UPF2: variants seen among roughly 807,000 people sequenced by gnomAD.
UPF2 encodes UPF2 regulator of nonsense mediated mRNA decay.
A neutral mutation model predicts 141.4 loss-of-function variants in UPF2; 17 were observed. The ratio of observed to expected loss-of-function variants is 0.12; its 90% CI spans 0.08 to 0.18. The LOEUF is 0.18. Among genes scored for constraint, UPF2 ranks in the 10% least tolerant of loss-of-function variants. The probability of loss-of-function intolerance (pLI) is 1.00; values close to 1 mark genes in which losing one functional copy is unlikely to be tolerated. For missense variants in UPF2, 1,152 were observed against 1,515.9 expected (o/e 0.76, Z 3.99); for synonymous variants, 540 against 498.0 (o/e 1.08, Z -1.12).
chr10:12,017,029 A>G (rs1020515104), intron 3 of UPF2, among the ~76,000 whole-genome samples: 13 of 152,074 alleles, frequency 8.5e-5, no homozygotes, highest in African/African-American at 2.7e-4. Context: ...CGGAAAAAAA[A>G]AAAAAAAAAT....
At chr10:12,026,923 G>A (rs539698536) in intron 3 of UPF2, among the ~76,000 whole-genome samples, 6 of 152,222 alleles carry the variant, frequency 3.9e-5, no homozygotes, top group African/African-American at 1.4e-4. Context: ...AAAGTGCTGG[G>A]ATTACAGGTG....
chr10:11,971,822 G>C (rs1375374473), intron 9 of UPF2, among the ~76,000 whole-genome samples: 1 of 152,080 alleles, frequency 6.6e-6, no homozygotes, highest in African/African-American at 2.4e-5. Flanking sequence ...CCAGCGCTTT[G>C]GGAGTCCAAG....
intron 3 of UPF2, among the ~76,000 whole-genome samples, chr10:12,027,256 A>G (rs901006819): frequency 2.0e-5 from 3 of 152,212 alleles, no homozygotes; most frequent in African/African-American, 7.2e-5. Context: ...ATGTATTCCT[A>G]CTTTGGAAAG....
Position 11,949,246 on chromosome 10 carries a change from C to T in UPF2, c.3035-738G>A, listed in dbSNP as rs149577220. On this transcript the variant is annotated intron_variant, in intron 15 of 21. Transcript: ENST00000357604. ...GATCCCACTGATCTGCTACCCACTCCTCTCTCCTAAGCCCTCCCCTGAAGT... is the reference window on the plus strand; with the variant it reads ...GATCCCACTGATCTGCTACCCACTCTTCTCTCCTAAGCCCTCCCCTGAAGT... 7.6e-4 allele frequency among the ~76,000 whole-genome samples: 116 copies of T among 152,316 alleles called. 1 individual carries two copies. The highest frequency in any genetic ancestry group is 2.7e-3 in the African/African-American group (111 of 41,566).
At chr10:12,038,734 TACAAAAAAAA>T (rs1362904684) in intron 1 of UPF2, among the ~76,000 whole-genome samples, 1 of 149,820 alleles carries the variant, frequency 6.7e-6, no homozygotes. Context: ...GTCTCAAAAA[TACAAAAAAAA>T]ACAACAACAA....
rs1432983276 is a variant in UPF2 at position 11,997,888 on chromosome 10, G to T, written c.1759-131C>A. On this transcript the variant is annotated intron_variant, in intron 7 of 21. Coordinates refer to ENST00000357604, the MANE Select transcript of UPF2 (RefSeq NM_015542.4). ...TGGTTTTAAGAAACTAGTATTGTTA[G>T]TATCAGGAAAGTTTTCTGATAGAGC... 4 of 882,510 alleles carry T rather than the reference G, an allele frequency of 4.5e-6. No individual in the cohort carries two copies. The South Asian group carries it at 5.4e-5, about 12-fold the overall frequency. 54.7% of individuals were successfully genotyped at this position (882,510 alleles called of 1,614,324 possible).
At chr10:12,023,445 C>T (rs7098410) in intron 3 of UPF2, among the ~76,000 whole-genome samples, 7,912 of 146,396 alleles carry the variant, frequency 0.054, 278 homozygotes, top group Non-Finnish European at 0.08. Context: ...GAGGCCGAGG[C>T]GGGAAGATCA....
intron 1 of UPF2, among the ~76,000 whole-genome samples, chr10:12,038,180 T>C (rs1185139191): frequency 1.3e-5 from 2 of 151,890 alleles, no homozygotes; most frequent in Admixed American, 6.6e-5. Context: ...GTCAGGAGTT[T>C]GAGTCCAGCC....
Position 11,939,231 on chromosome 10 carries a change from G to C in UPF2, c.3379-2519C>G, listed in dbSNP as rs1832906029. Among the ~76,000 whole-genome samples the C allele has an allele frequency of 6.6e-6, 1 of 152,100 alleles. No homozygotes were observed. Among genetic ancestry groups the C allele is most frequent in the South Asian group, 2.1e-4 (1 of 4,822 alleles). On this transcript the variant is annotated intron_variant, in intron 18 of 21. Coordinates refer to ENST00000357604, the MANE Select transcript of UPF2 (RefSeq NM_015542.4). This position sits in a 1 kb window ranked among gnomAD's most constrained non-coding sequence, Gnocchi z 4.8. ...TAGCTAAAGCAAAGGAATACTAACA[G>C]TATCTGACAGCACTATGCAAAGAAT... is the stretch of plus-strand genomic sequence containing the variant.
chr10:11,952,279 A>G (rs923838977), intron 14 of UPF2, 30 bp from the exon 15 acceptor site: 2 of 1,544,124 alleles, frequency 1.3e-6, no homozygotes, highest in African/African-American at 1.4e-5. Context: ...AAATTTAGCT[A>G]TAAGAAATTA....
chr10:11,942,635 A>T, intron 18 of UPF2, 30 bp downstream of exon 18: 1 of 1,593,108 alleles, frequency 6.3e-7, no homozygotes, highest in South Asian at 1.1e-5. Flanking sequence ...TGTATTGAGA[A>T]GAGTCTTTGA....
rs772044517 is a variant in UPF2, at chr10:12,029,346, T to C, written c.544A>G (p.Thr182Ala). The C allele has an allele frequency of 6.2e-7, 1 of 1,614,174 alleles. No homozygotes were observed. Among genetic ancestry groups the C allele is most frequent in the Non-Finnish European group, 8.5e-7 (1 of 1,180,024 alleles). Residue 182 changes from threonine to alanine, a missense_variant, in exon 3 of 22, where the codon ACA (threonine) becomes GCA (alanine). By Grantham distance (58) the Thr-to-Ala change is moderately conservative. Transcript: ENST00000357604. ...TAFVKKLKTI[T>A]EQQRDSLSHD... ...GACAAGGAGTCTCTCTGTTGTTCTG[T>C]AATAGTTTTTAGTTTCTTGACAAAA...
intron 15 of UPF2, among the ~76,000 whole-genome samples, chr10:11,948,828 G>GT (rs1413729409): frequency 3.3e-5 from 5 of 152,182 alleles, no homozygotes; most frequent in African/African-American, 9.7e-5. Context: ...GTAGAAAACA[G>GT]TAACAGATGA....
In UPF2 at chr10:12,014,288, A is replaced by G. The variant is rs1834181707; in HGVS notation, c.1146-104T>C. Reference sequence around the variant, plus strand: ...TAATTTGATTTTCTCATACAAATTTAGTAAAATCTTCATTTTTATTTAACA... The same window carrying G: ...TAATTTGATTTTCTCATACAAATTTGGTAAAATCTTCATTTTTATTTAACA... On this transcript the variant is annotated intron_variant, in intron 3 of 21. Coordinates refer to ENST00000357604, the MANE Select transcript of UPF2 (RefSeq NM_015542.4). The surrounding 1 kb of genome is among the most constrained non-coding windows in gnomAD (Gnocchi z 5.0). 9 of 1,104,882 alleles carry G rather than the reference A, an allele frequency of 8.1e-6. No individual in the cohort carries two copies. In the South Asian group the frequency reaches 3.2e-4, roughly 40 times the overall value. 68.4% of individuals were successfully genotyped at this position (1,104,882 alleles called of 1,614,324 possible).
At chr10:12,035,467 C>T (rs1834608951) in intron 1 of UPF2, 26 bp from the exon 2 acceptor site, 2 of 1,482,046 alleles carry the variant, frequency 1.3e-6, no homozygotes, top group Non-Finnish European at 1.8e-6. Context: ...AATGTCAGTA[C>T]CATAGATGCA....
intron 21 of UPF2, among the ~76,000 whole-genome samples, chr10:11,924,979 C>T (rs190979697): frequency 3.9e-5 from 6 of 152,118 alleles, no homozygotes; most frequent in Admixed American, 6.5e-5. Flanking sequence ...CCACCATGAC[C>T]GGCTAATTTT....
chr10:11,967,451 G>A lies in UPF2; in HGVS notation c.1957C>T (p.Arg653Trp), dbSNP rs776712679. 10 of 1,533,830 alleles carry A rather than the reference G, an allele frequency of 6.5e-6. No homozygotes were observed. Among genetic ancestry groups the A allele is most frequent in the East Asian group, 4.9e-5 (2 of 41,128 alleles). ...MLRGDFRFHV[R>W]KKDQINIETK... ...TCAATATTGATCTGGTCCTTTTTCC[G>A]TACCTAAAAATTAAGAGAGAAAAGA... The change falls in exon 10 of 22, where the codon CGG becomes TGG. Residue 653 changes from arginine (R) to tryptophan (W), a missense_variant. Physicochemically the swap from Arg to Trp is moderately radical, Grantham distance 101 (BLOSUM62 -3). Coordinates refer to ENST00000357604, the MANE Select transcript of UPF2 (RefSeq NM_015542.4).
intron 3 of UPF2, among the ~76,000 whole-genome samples, chr10:12,021,869 G>C (rs2131297007): frequency 6.6e-6 from 1 of 152,254 alleles, no homozygotes; most frequent in Non-Finnish European, 1.5e-5. Flanking sequence ...TTCTTGGCTG[G>C]ATGCAGTGGC....
In UPF2 at chr10:12,042,164, C is replaced by T. The variant is rs1834747353; in HGVS notation, c.-19+591G>A. On this transcript the variant is annotated intron_variant, in intron 1 of 21. Coordinates refer to ENST00000357604, the MANE Select transcript of UPF2 (RefSeq NM_015542.4). This position sits in a 1 kb window ranked among gnomAD's most constrained non-coding sequence, Gnocchi z 5.5. ...CCTACACATACCTCTCCTACAAACC[C>T]CTGCTCTGGTGGTGTAGGAACCTCT... Among the ~76,000 whole-genome samples, 2 of 151,988 alleles carry T rather than the reference C, an allele frequency of 1.3e-5. No homozygotes were observed. The highest frequency in any genetic ancestry group is 6.6e-5 in the Admixed American group (1 of 15,242).
Sources: allele counts gnomAD v4.1 joint callset (sites outside exome capture counted in the v4.1 genomes callset), GRCh38; gene constraint gnomAD v4.1.1; non-coding constraint Gnocchi (gnomAD v3.1); transcripts MANE v1.5; gene names NCBI Gene and HGNC (gene_info 2026-07-23, HGNC 2026-07-21).